Variants in PRRC2B observed in about 807,000 individuals in gnomAD.
The protein encoded by PRRC2B is protein PRRC2B.
PRRC2B carries 68 observed loss-of-function variants against 242.3 expected under a neutral mutation model. That is an observed-to-expected ratio of 0.28 (90% CI 0.23 to 0.34). The LOEUF is 0.34. Ranked by LOEUF, PRRC2B falls within the 10% of genes least tolerant of loss-of-function variation. PRRC2B has a pLI of 1.00. For synonymous variants in PRRC2B, 1,228 were observed against 1,173.6 expected (o/e 1.05, Z -0.95); for missense variants, 2,835 against 2,954.8 (o/e 0.96, Z 0.94).
At chr9:131,377,637 G>A (rs550737520) in intron 1 of PRRC2B, among the ~76,000 whole-genome samples, 1 of 152,282 alleles carries the variant, frequency 6.6e-6, no homozygotes, top group East Asian at 1.9e-4. Context: ...ACAGTGCCCA[G>A]GTCCTGGGAC....
intron 5 of PRRC2B, among the ~76,000 whole-genome samples, chr9:131,442,261 T>C (rs1004079917): frequency 1.3e-5 from 2 of 152,120 alleles, no homozygotes; most frequent in Non-Finnish European, 2.9e-5. Context: ...GCCTCCCAAG[T>C]AGATGGGACT....
chr9:131,401,110 A>G (rs1232356729), intron 1 of PRRC2B, among the ~76,000 whole-genome samples: 1 of 150,612 alleles, frequency 6.6e-6, no homozygotes. Flanking sequence ...AGCCCCCTAC[A>G]GTTTCTCTTT....
At chr9:131,447,637 A>AT (rs1332111777) in intron 8 of PRRC2B, 25 bp from the exon 9 acceptor site, 1 of 1,565,790 alleles carries the variant, frequency 6.4e-7, no homozygotes, top group Non-Finnish European at 8.7e-7. Flanking sequence ...ACTGGACATG[A>AT]TTCCATCATC....
intron 28 of PRRC2B, among the ~76,000 whole-genome samples, chr9:131,488,431 T>G (rs764125096): frequency 6.6e-6 from 1 of 152,106 alleles, no homozygotes; most frequent in Non-Finnish European, 1.5e-5. Flanking sequence ...GCCTGGCTAA[T>G]TTTTGTATTA....
At chr9:131,417,545 GGTTTTCCCCTCTGCAGTCCTCAT>G (rs1837693294) in intron 1 of PRRC2B, among the ~76,000 whole-genome samples, 1 of 152,100 alleles carries the variant, frequency 6.6e-6, no homozygotes, top group South Asian at 2.1e-4. Flanking sequence ...GGTGAAGGGA[GGTTTTCCCCTCTGCAGTCCTCAT>G]GTTGTGGCAT....
intron 1 of PRRC2B, among the ~76,000 whole-genome samples, chr9:131,380,852 C>T (rs555803870): frequency 9.4e-5 from 12 of 127,696 alleles, no homozygotes; most frequent in Admixed American, 5.7e-4. Flanking sequence ...CACTCCAGCC[C>T]GGGTGACAGT....
At chr9:131,417,030 C>T (rs1199053816) in intron 1 of PRRC2B, among the ~76,000 whole-genome samples, 1 of 152,152 alleles carries the variant, frequency 6.6e-6, no homozygotes, top group African/African-American at 2.4e-5. Context: ...TTGGTCATCT[C>T]TCAGATACCT....
intron 1 of PRRC2B, among the ~76,000 whole-genome samples, chr9:131,414,247 C>T (rs1158582489): frequency 2.0e-5 from 3 of 150,344 alleles, no homozygotes; most frequent in Non-Finnish European, 4.4e-5. Flanking sequence ...CAAATCATAT[C>T]GAGAAATCAG....
At chr9:131,409,380 A>G (rs191136232) in intron 1 of PRRC2B, among the ~76,000 whole-genome samples, 144 of 151,136 alleles carry the variant, frequency 9.5e-4, no homozygotes, top group African/African-American at 3.4e-3. Context: ...GGATTTCACC[A>G]TGTTGGTTGG....
chr9:131,477,997 G>C, intron 17 of PRRC2B, 48 bp downstream of exon 17: 1 of 1,552,330 alleles, frequency 6.4e-7, no homozygotes, highest in Non-Finnish European at 8.9e-7. Flanking sequence ...GCAGAACCAG[G>C]GGCCATGCAG....
chr9:131,419,003 T>C (rs1040310493), intron 1 of PRRC2B, among the ~76,000 whole-genome samples: 5 of 149,100 alleles, frequency 3.4e-5, no homozygotes, highest in Non-Finnish European at 6.0e-5. Context: ...TTTTCTGTAA[T>C]TTTTTTTAAG....
Position 131,487,132 on chromosome 9 carries a change from C to T in PRRC2B, c.5857-35C>T, listed in dbSNP as rs770461240. 9 of 1,606,312 alleles carry T rather than the reference C, an allele frequency of 5.6e-6. No individual in the cohort carries two copies. Among genetic ancestry groups the T allele is most frequent in the Middle Eastern group, 1.9e-4 (1 of 5,144 alleles). On this transcript the variant is annotated intron_variant, in intron 26 of 31. Transcript: ENST00000683519. The surrounding 1 kb of genome is among the most constrained non-coding windows in gnomAD (Gnocchi z 5.3). ...GGAAGAACCACCTGGATGGGCCTTG[C>T]GGTTACCTCCCCGACCCCGTTTTCC...
chr9:131,464,769 T>C lies in PRRC2B; in HGVS notation c.1411T>C (p.Ser471Pro). 1 of 1,589,436 alleles carries C rather than the reference T, an allele frequency of 6.3e-7. No individual in the cohort carries two copies. Among genetic ancestry groups the C allele is most frequent in the Non-Finnish European group, 8.6e-7 (1 of 1,164,752 alleles). ...AGAGACATTCTCTTGGCAGAAGTCA[T>C]CAATGGGCAGCATGTTCCGGCAACA... Reference protein sequence around the residue: ...WAPGPDYQKSSMGSMFRQQSI... With the variant: ...WAPGPDYQKSPMGSMFRQQSI... Residue 471 changes from serine to proline, a missense_variant, in exon 12 of 32, where the codon TCA (serine) becomes CCA (proline). This residue lies in a region of PRRC2B where 626 missense variants were observed against 685.5 expected (regional missense o/e 0.91). Transcript: ENST00000683519.
intron 1 of PRRC2B, among the ~76,000 whole-genome samples, chr9:131,414,879 G>C (rs1213816435): frequency 6.6e-6 from 1 of 151,460 alleles, no homozygotes; most frequent in Non-Finnish European, 1.5e-5. Flanking sequence ...TGCTATCTCG[G>C]GCTTCTGTTG....
rs535171440 is a variant in PRRC2B at position 131,457,418 on chromosome 9, G to A, written c.1212-1746G>A. 2.0e-5 allele frequency among the ~76,000 whole-genome samples: 3 copies of A among 152,352 alleles called. No homozygotes were observed. In the East Asian group the frequency reaches 5.8e-4, roughly 29 times the overall value. On this transcript the variant is annotated intron_variant, in intron 10 of 31. Coordinates refer to ENST00000683519, the MANE Select transcript of PRRC2B (RefSeq NM_013318.4). ...GAACTGGACATTGGTTTTGGAGACA[G>A]TTTTGCCCCTGACTTTGACCAAGGG...
At chr9:131,394,660 G>A (rs1392423258) in intron 1 of PRRC2B, among the ~76,000 whole-genome samples, 1 of 151,474 alleles carries the variant, frequency 6.6e-6, no homozygotes, top group Non-Finnish European at 1.5e-5. Context: ...TCGGGGTTCT[G>A]GGGCCGGCGT....
chr9:131,469,636 G>T (rs10116598), intron 13 of PRRC2B, among the ~76,000 whole-genome samples: 1 of 152,010 alleles, frequency 6.6e-6, no homozygotes, highest in Non-Finnish European at 1.5e-5. Context: ...GGAATGGAAG[G>T]GTGTGTGCTG....
chr9:131,487,244 G>A lies in PRRC2B; in HGVS notation c.5934G>A (p.Gly1978=), dbSNP rs180929163. The change falls in exon 27 of 32, where the codon GGG becomes GGA. Residue 1978 remains glycine (G), a synonymous_variant. Coordinates refer to ENST00000683519, the MANE Select transcript of PRRC2B (RefSeq NM_013318.4). The surrounding 1 kb of genome is among the most constrained non-coding windows in gnomAD (Gnocchi z 5.3). ...AAGCTCAGCTTGGACTGAGGGGTGGGCTTCCTGTGTCCCAGTCCCAGGAGA... is the reference window on the plus strand; with the variant it reads ...AAGCTCAGCTTGGACTGAGGGGTGGACTTCCTGTGTCCCAGTCCCAGGAGA... ...QAQAQLGLRG[G]LPVSQSQEIF... The A allele has an allele frequency of 1.6e-5, 26 of 1,613,306 alleles. No individual in the cohort carries two copies. In the East Asian group the frequency reaches 5.3e-4, roughly 33 times the overall value.
At chr9:131,374,458 A>G (rs2131259741) in intron 1 of PRRC2B, among the ~76,000 whole-genome samples, 1 of 152,362 alleles carries the variant, frequency 6.6e-6, no homozygotes, top group East Asian at 1.9e-4. Context: ...AACATGTATT[A>G]CACAGATTGA....
Sources: allele counts gnomAD v4.1 joint callset (sites outside exome capture counted in the v4.1 genomes callset), GRCh38; gene constraint gnomAD v4.1.1; regional missense constraint gnomAD v4.1.1; non-coding constraint Gnocchi (gnomAD v3.1); transcripts MANE v1.5; gene names NCBI Gene and HGNC (gene_info 2026-07-23, HGNC 2026-07-21).